The following MND1 variants were observed in gnomAD, a reference collection of about 807,000 sequenced individuals.
The protein encoded by MND1 is meiotic nuclear division protein 1 homolog.
MND1 carries 28 observed loss-of-function variants against 35.1 expected under a neutral mutation model. That is an observed-to-expected ratio of 0.80 (90% CI 0.59 to 1.09). The LOEUF (loss-of-function observed/expected upper bound fraction) is 1.09. MND1 is among the 50% of genes least tolerant of loss of function. The probability of loss-of-function intolerance (pLI) is 0.00; values close to 1 mark genes in which losing one functional copy is unlikely to be tolerated. For missense variants in MND1, 213 were observed against 239.6 expected (o/e 0.89, Z 0.73); for synonymous variants, 69 against 70.5 (o/e 0.98, Z 0.11).
At chr4:153,363,357 G>A (rs983494325) in intron 4 of MND1, among the ~76,000 whole-genome samples, 3 of 151,664 alleles carry the variant, frequency 2.0e-5, no homozygotes, top group Non-Finnish European at 2.9e-5. Flanking sequence ...GATTACAAGC[G>A]CCCGCCACCA....
chr4:153,370,517 T>C (rs1161483399), intron 4 of MND1, among the ~76,000 whole-genome samples: 1 of 151,876 alleles, frequency 6.6e-6, no homozygotes, highest in East Asian at 1.9e-4. Context: ...ATCACAAATG[T>C]TCTGTTTTGT....
intron 6 of MND1, among the ~76,000 whole-genome samples, chr4:153,407,371 G>A (rs1172848710): frequency 3.3e-5 from 5 of 152,164 alleles, no homozygotes; most frequent in African/African-American, 1.2e-4. Context: ...GCTGAGGCAG[G>A]AGAATTGCTT....
At chr4:153,413,289 C>T (rs1011708175) in intron 7 of MND1, among the ~76,000 whole-genome samples, 7 of 152,066 alleles carry the variant, frequency 4.6e-5, no homozygotes, top group African/African-American at 1.7e-4. Flanking sequence ...CAGAATACTC[C>T]GACAAGCTAT....
intron 4 of MND1, among the ~76,000 whole-genome samples, chr4:153,386,268 A>G (rs1760576770): frequency 6.6e-6 from 1 of 150,430 alleles, no homozygotes; most frequent in Non-Finnish European, 1.5e-5. Flanking sequence ...TGGCAGGAGG[A>G]TCGCATGAGA....
chr4:153,362,543 ACCAATTAAACCTCT>A (rs1773522323), intron 4 of MND1, among the ~76,000 whole-genome samples: 1 of 152,188 alleles, frequency 6.6e-6, no homozygotes, highest in African/African-American at 2.4e-5. Context: ...AGAAGCATGA[ACCAATTAAACCTCT>A]TTTCTTTATA....
intron 4 of MND1, among the ~76,000 whole-genome samples, chr4:153,360,780 TATATACAC>T (rs1773468941): frequency 1.2e-5 from 1 of 81,572 alleles, no homozygotes; most frequent in African/African-American, 7.8e-5. Flanking sequence ...CATATACACA[TATATACAC>T]ATATATTCAT....
At chr4:153,358,113 A>G (rs1161081495) in intron 3 of MND1, among the ~76,000 whole-genome samples, 2 of 152,212 alleles carry the variant, frequency 1.3e-5, no homozygotes, top group African/African-American at 4.8e-5. Context: ...CAAAGTAAGT[A>G]TGGAAATGAT....
intron 4 of MND1, among the ~76,000 whole-genome samples, chr4:153,384,949 G>A (rs1203246989): frequency 6.6e-6 from 1 of 152,126 alleles, no homozygotes; most frequent in Non-Finnish European, 1.5e-5. Context: ...TTCACAGAGT[G>A]TTTTCTTTTA....
At chr4:153,344,913 C>T (rs1393798209) in intron 1 of MND1, among the ~76,000 whole-genome samples, 173 bp downstream of exon 1, 2 of 152,224 alleles carry the variant, frequency 1.3e-5, no homozygotes, top group East Asian at 3.9e-4. Flanking sequence ...CCGCCGCAGC[C>T]ACTCCGCACT....
chr4:153,402,165 C>T (rs1233216234), intron 6 of MND1, among the ~76,000 whole-genome samples: 2 of 152,094 alleles, frequency 1.3e-5, no homozygotes, highest in African/African-American at 2.4e-5. Context: ...ACAACAACAA[C>T]AAACATTAAT....
intron 6 of MND1, among the ~76,000 whole-genome samples, chr4:153,407,426 G>T (rs182096568): frequency 6.6e-6 from 1 of 152,060 alleles, no homozygotes. Context: ...CCGCGCTATT[G>T]CACTCCACCC....
At position 153,381,692 on chromosome 4, in the gene MND1, A is replaced by ATTT. The variant is rs765943574; in HGVS notation, c.277-12541_277-12539dup. On this transcript the variant is annotated intron_variant, in intron 4 of 7. Coordinates refer to ENST00000240488, the MANE Select transcript of MND1 (RefSeq NM_032117.4). ...AATATATATATATATATATATATAT[A>ATTT]TTTTTTTTTTTTTTTTTTTTTTTTT... 87 of 17,476 alleles carry ATTT rather than the reference A, an allele frequency of 5.0e-3. 22 individuals are homozygous for ATTT. Among genetic ancestry groups the ATTT allele is most frequent in the Non-Finnish European group, 7.0e-3 (67 of 9,564 alleles). 1.1% of individuals were successfully genotyped at this position (17,476 alleles called of 1,614,324 possible). A position where few individuals can be genotyped will look rare whatever the true frequency, so the allele number is the denominator to read the frequency against.
intron 4 of MND1, among the ~76,000 whole-genome samples, chr4:153,359,760 G>A (rs934156345): frequency 1.4e-5 from 2 of 141,404 alleles, no homozygotes; most frequent in Non-Finnish European, 3.1e-5. Flanking sequence ...ATTCTCTAAT[G>A]ACATATGATT....
In MND1 at chr4:153,361,487, A is replaced by G. The variant is rs1017493889; in HGVS notation, c.276+2865A>G. Reference sequence around the variant, plus strand: ...CATGAATCCGAGTTTGCATGTTTTTATTTCCTCTTCTTTAGGACCCTGGCT... The same window carrying G: ...CATGAATCCGAGTTTGCATGTTTTTGTTTCCTCTTCTTTAGGACCCTGGCT... On this transcript the variant is annotated intron_variant, in intron 4 of 7. Coordinates refer to ENST00000240488, the MANE Select transcript of MND1 (RefSeq NM_032117.4). 6.4e-5 allele frequency: 29 copies of G among 455,968 alleles called. No individual in the cohort carries two copies. The Admixed American group carries it at 6.8e-4, about 11-fold the overall frequency. 28.2% of individuals were successfully genotyped at this position (455,968 alleles called of 1,614,324 possible).
chr4:153,344,741 G>C lies in MND1; in HGVS notation c.3+1G>C, dbSNP rs758165306. 1 of 1,600,264 alleles carries C rather than the reference G, an allele frequency of 6.2e-7. No homozygotes were observed. The highest frequency in any genetic ancestry group is 1.1e-5 in the South Asian group (1 of 88,962). ...CGGAAGCCCCTGCGCCCGCGCCATGGTAAGGACTGAGGCTACGGTCCCGCG... is the reference window on the plus strand; with the variant it reads ...CGGAAGCCCCTGCGCCCGCGCCATGCTAAGGACTGAGGCTACGGTCCCGCG... On this transcript the variant is annotated splice_donor_variant, in intron 1 of 7. Coordinates refer to ENST00000240488, the MANE Select transcript of MND1 (RefSeq NM_032117.4). LOFTEE classifies it high-confidence loss of function.
rs1773402100 is a variant in MND1, at chr4:153,358,551, AATT to A, written c.212_214del (p.Tyr71del). 6.2e-7 allele frequency: 1 copy of A among 1,613,548 alleles called. No homozygotes were observed. Among genetic ancestry groups the A allele is most frequent in the African/African-American group, 1.3e-5 (1 of 74,908 alleles). ...TGACTGTGAGAGGATCGGAACTTCTAATTATTATTGGGCTTTTCCAAGTAAAGC... is the reference window on the plus strand; with the variant it reads ...TGACTGTGAGAGGATCGGAACTTCTAATTATTGGGCTTTTCCAAGTAAAGC... On this transcript the variant is annotated inframe_deletion, in exon 4 of 8. Transcript: ENST00000240488.
At chr4:153,386,911 CA>C (rs144569122) in intron 4 of MND1, among the ~76,000 whole-genome samples, 2,851 of 152,206 alleles carry the variant, frequency 0.019, 42 homozygotes, top group Non-Finnish European at 0.028. Context: ...CTGGGCTTTA[CA>C]GGGGTCACTC....
At chr4:153,402,234 A>G (rs1729364499) in intron 6 of MND1, among the ~76,000 whole-genome samples, 2 of 152,244 alleles carry the variant, frequency 1.3e-5, no homozygotes, top group African/African-American at 4.8e-5. Flanking sequence ...TTTTTAATTT[A>G]GCTATTCTGA....
At chr4:153,360,602 G>GTA (rs70963164) in intron 4 of MND1, among the ~76,000 whole-genome samples, 3,433 of 145,530 alleles carry the variant, frequency 0.024, 46 homozygotes, top group Non-Finnish European at 0.033. Flanking sequence ...GTGTGTGTGT[G>GTA]TGTGTATATA....
Sources: gnomAD v4.1 joint callset for allele counts (sites outside exome capture counted in the v4.1 genomes callset) on GRCh38, gnomAD v4.1.1 for gene constraint, MANE v1.5 for transcripts, NCBI Gene and HGNC (gene_info 2026-07-23, HGNC 2026-07-21) for gene names.